STIM2: variants seen among roughly 807,000 people sequenced by gnomAD.
The protein encoded by STIM2 is stromal interaction molecule 2.
A neutral mutation model predicts 85.8 loss-of-function variants in STIM2; 31 were observed. The observed-to-expected ratio is 0.36, with a 90% CI of 0.27 to 0.49. The LOEUF is 0.49. Among genes scored for constraint, STIM2 ranks in the 20% least tolerant of loss-of-function variants. The pLI, the probability that STIM2 is intolerant of heterozygous loss-of-function variation, is 0.98. For missense variants in STIM2, 841 were observed against 927.6 expected (o/e 0.91, Z 1.21); for synonymous variants, 356 against 331.1 (o/e 1.08, Z -0.82).
intron 2 of STIM2, among the ~76,000 whole-genome samples, chr4:26,940,089 G>A (rs996782176): frequency 2.6e-5 from 4 of 152,138 alleles, no homozygotes; most frequent in Admixed American, 6.5e-5. Flanking sequence ...AGCACATGCC[G>A]TGATGTAGGT....
chr4:26,964,233 A>G (rs535513921), intron 3 of STIM2, among the ~76,000 whole-genome samples: 1 of 152,330 alleles, frequency 6.6e-6, no homozygotes, highest in East Asian at 1.9e-4. Flanking sequence ...TTACCAATCC[A>G]TAGTGATTCG....
Position 27,022,537 on chromosome 4 carries a change from T to C in STIM2, c.1782T>C (p.Ala594=). Residue 594 remains alanine, a synonymous_variant, in exon 12 of 12, where the codon GCT becomes GCC. Coordinates refer to ENST00000467087, the MANE Select transcript of STIM2 (RefSeq NM_020860.4). ...CATTCAGGGAAGTGCCAGACACAGC[T>C]TCAGAATGTGACTCCTTAAATTCTT... The C allele has an allele frequency of 6.3e-7, 1 of 1,596,798 alleles. No homozygotes were observed.
rs878896444 is a variant in STIM2, at chr4:26,957,692, T to A, written c.363T>A (p.Ile121=). 2 of 1,597,538 alleles carry A rather than the reference T, an allele frequency of 1.3e-6. No homozygotes were observed. The highest frequency in any genetic ancestry group is 2.3e-5 in the South Asian group (2 of 87,644). The change falls in exon 3 of 12, where the codon ATT becomes ATA. Residue 121 remains isoleucine (I), a synonymous_variant. Transcript: ENST00000467087. ...ACAGAGAAGATAAACATATAACGAT[T>A]GAGGATTTATGGAAACGATGGAAAA...
chr4:26,990,399 C>G (rs1447454122), intron 3 of STIM2, among the ~76,000 whole-genome samples: 1 of 152,130 alleles, frequency 6.6e-6, no homozygotes, highest in Non-Finnish European at 1.5e-5. Context: ...AACTGGATAT[C>G]TCTATGCAGA....
At chr4:26,862,651 T>A (rs1722263152) in intron 1 of STIM2, among the ~76,000 whole-genome samples, 1 of 152,214 alleles carries the variant, frequency 6.6e-6, no homozygotes, top group African/African-American at 2.4e-5. Context: ...CCCTGAAGCA[T>A]ATCAAGCCCT....
At chr4:26,916,178 A>G (rs1041336767) in intron 1 of STIM2, among the ~76,000 whole-genome samples, 16 of 152,234 alleles carry the variant, frequency 1.1e-4, no homozygotes, top group African/African-American at 3.9e-4. Context: ...ACGAAAAGAG[A>G]CATTAGAACA....
rs1729006957 is a variant in STIM2, at chr4:27,024,166, A to G, written c.*1170A>G. 6.6e-6 allele frequency: 1 copy of G among 152,278 alleles called. No homozygotes were observed. 9.4% of individuals were successfully genotyped at this position (152,278 alleles called of 1,614,324 possible). A position where few individuals can be genotyped will look rare whatever the true frequency, so the allele number is the denominator to read the frequency against. On this transcript the variant is annotated 3_prime_UTR_variant, in exon 12 of 12. Coordinates refer to ENST00000467087, the MANE Select transcript of STIM2 (RefSeq NM_020860.4). ...TGTTCTAATATCAAGATTAACAAAT[A>G]TAAATTTATGGTGCATTTAGATTGC...
chr4:26,985,614 T>TG (rs1379489720), intron 3 of STIM2, among the ~76,000 whole-genome samples: 14 of 152,212 alleles, frequency 9.2e-5, no homozygotes, highest in Non-Finnish European at 1.8e-4. Flanking sequence ...CCAAACCTTT[T>TG]GGTAGATATA....
intron 1 of STIM2, among the ~76,000 whole-genome samples, chr4:26,863,778 T>A (rs1167431938): frequency 6.6e-6 from 1 of 152,172 alleles, no homozygotes; most frequent in East Asian, 1.9e-4. Flanking sequence ...GAAAGCATTC[T>A]GAGAGAAGAA....
chr4:27,022,605 A>G lies in STIM2; in HGVS notation c.1850A>G (p.Tyr617Cys). The G allele has an allele frequency of 6.2e-7, 1 of 1,614,094 alleles. No individual in the cohort carries two copies. Among genetic ancestry groups the G allele is most frequent in the East Asian group, 2.2e-5 (1 of 44,890 alleles). ...TCTCCTCCTTTAAGCCTCGAGATAT[A>G]CCAAACATTATCTCCGCGAAAGATA... The change falls in exon 12 of 12, where the codon TAC becomes TGC. Residue 617 changes from tyrosine to cysteine, a missense_variant. By Grantham distance (194) the Tyr-to-Cys change is radical. Coordinates refer to ENST00000467087, the MANE Select transcript of STIM2 (RefSeq NM_020860.4).
intron 3 of STIM2, among the ~76,000 whole-genome samples, chr4:26,986,135 C>T (rs1727576854): frequency 1.3e-5 from 2 of 152,128 alleles, no homozygotes; most frequent in East Asian, 1.9e-4. Flanking sequence ...GCTTCAGCTT[C>T]CTAATCTATA....
Position 26,963,076 on chromosome 4 carries a change from C to T in STIM2, c.397+5350C>T, listed in dbSNP as rs552168075. Among the ~76,000 whole-genome samples, 31 of 152,222 alleles carry T rather than the reference C, an allele frequency of 2.0e-4. No homozygotes were observed. In the South Asian group the frequency reaches 5.4e-3, roughly 26 times the overall value. The stretch of plus-strand genomic sequence containing the variant: ...GAAATAGTCTGAGAGAAGAAAGATA[C>T]AGGCACTTAATAATGGTTATTTTCA... On this transcript the variant is annotated intron_variant, in intron 3 of 11. Coordinates refer to ENST00000467087, the MANE Select transcript of STIM2 (RefSeq NM_020860.4).
chr4:26,980,210 G>A (rs963120962), intron 3 of STIM2, among the ~76,000 whole-genome samples: 1 of 152,188 alleles, frequency 6.6e-6, no homozygotes, highest in Non-Finnish European at 1.5e-5. Context: ...TGCTTATTTT[G>A]AAAGTAAATT....
chr4:27,005,855 A>G (rs1278273251), intron 7 of STIM2, among the ~76,000 whole-genome samples: 1 of 152,236 alleles, frequency 6.6e-6, no homozygotes, highest in Non-Finnish European at 1.5e-5. Context: ...GGAAATATTA[A>G]GAAAAATCTA....
At chr4:26,994,346 G>C (rs1304063260) in intron 3 of STIM2, among the ~76,000 whole-genome samples, 2 of 151,752 alleles carry the variant, frequency 1.3e-5, no homozygotes, top group East Asian at 3.9e-4. Flanking sequence ...TGTACTTTTG[G>C]CTTTTGTTTA....
At chr4:26,936,146 A>T (rs1725384312) in intron 2 of STIM2, among the ~76,000 whole-genome samples, 1 of 152,226 alleles carries the variant, frequency 6.6e-6, no homozygotes, top group African/African-American at 2.4e-5. Flanking sequence ...ACAGATTTTA[A>T]GAAAACATCT....
At chr4:26,953,319 A>G (rs1029245418) in intron 2 of STIM2, among the ~76,000 whole-genome samples, 1 of 152,186 alleles carries the variant, frequency 6.6e-6, no homozygotes, top group Non-Finnish European at 1.5e-5. Flanking sequence ...ACATGGACAT[A>G]TAAAAACCAC....
Position 26,885,056 on chromosome 4 carries a change from G to A in STIM2, c.151+23687G>A, listed in dbSNP as rs188477878. ...ATTTCTCTACTTTCTTAATCAGAATGTATTGGGTACAGTTAATGGGTACAA... is the reference window on the plus strand; with the variant it reads ...ATTTCTCTACTTTCTTAATCAGAATATATTGGGTACAGTTAATGGGTACAA... On this transcript the variant is annotated intron_variant, in intron 1 of 11. Coordinates refer to ENST00000467087, the MANE Select transcript of STIM2 (RefSeq NM_020860.4). Among the ~76,000 whole-genome samples the A allele has an allele frequency of 5.3e-5, 8 of 152,292 alleles. No individual in the cohort carries two copies. The East Asian group carries it at 1.5e-3, about 29-fold the overall frequency.
intron 3 of STIM2, among the ~76,000 whole-genome samples, chr4:26,967,597 G>A (rs1437947164): frequency 6.6e-6 from 1 of 152,178 alleles, no homozygotes; most frequent in African/African-American, 2.4e-5. Flanking sequence ...TAGATGTACT[G>A]CTGAGCAGAC....
Sources: allele counts gnomAD v4.1 joint callset (sites outside exome capture counted in the v4.1 genomes callset), GRCh38; gene constraint gnomAD v4.1.1; transcripts MANE v1.5; gene names NCBI Gene and HGNC (gene_info 2026-07-23, HGNC 2026-07-21).